The following TMCC1 variants were observed in gnomAD, a reference collection of about 807,000 sequenced individuals.
TMCC1 encodes the protein transmembrane and coiled-coil domain family 1.
Under a neutral mutation model 52.4 loss-of-function variants are expected in TMCC1, and 15 were observed. The observed-to-expected ratio is 0.29, with a 90% CI of 0.19 to 0.44. TMCC1 has a LOEUF of 0.44. Ranked by LOEUF, TMCC1 falls within the 20% of genes least tolerant of loss-of-function variation. The pLI is 1.00. For missense variants in TMCC1, 503 were observed against 806.0 expected, an observed-to-expected ratio of 0.62 and a Z score of 4.55; for synonymous variants, 279 against 301.9, an observed-to-expected ratio of 0.92 and a Z score of 0.79.
chr3:129,800,925 ATTTTTTT>A (rs11394617), intron 4 of TMCC1, among the ~76,000 whole-genome samples: 77 of 117,946 alleles, frequency 6.5e-4, no homozygotes, highest in Admixed American at 3.5e-3. Flanking sequence ...ATCTCACACT[ATTTTTTT>A]TTTTTTTTTT....
chr3:129,718,556 A>C (rs1291663955), intron 4 of TMCC1, among the ~76,000 whole-genome samples: 1 of 152,238 alleles, frequency 6.6e-6, no homozygotes, highest in African/African-American at 2.4e-5. Context: ...AAGTGCTCCC[A>C]AGAAGCAGAG....
chr3:129,765,813 A>T (rs926708411), intron 4 of TMCC1, among the ~76,000 whole-genome samples: 2 of 152,122 alleles, frequency 1.3e-5, no homozygotes, highest in Admixed American at 6.6e-5. Context: ...TTGTCTAAAA[A>T]TAAGAAATCA....
At chr3:129,865,950 C>T (rs1577141310) in intron 2 of TMCC1, among the ~76,000 whole-genome samples, 1 of 152,096 alleles carries the variant, frequency 6.6e-6, no homozygotes, top group African/African-American at 2.4e-5. Context: ...TAGGGAAGTG[C>T]AAGCTGAATG....
rs553216681 is a variant in TMCC1, at chr3:129,798,771, C to A, written c.576+29032G>T. On this transcript the variant is annotated intron_variant, in intron 4 of 6. Transcript: ENST00000393238. ...ATGGGAATAGCTCATTAACAAATAA[C>A]AAAGTAATAGTCTCTTTCAGAAATT... 2.0e-5 allele frequency among the ~76,000 whole-genome samples: 3 copies of A among 152,278 alleles called. No homozygotes were observed. The East Asian group carries it at 5.8e-4, about 29-fold the overall frequency.
At chr3:129,776,744 C>T (rs1176774287) in intron 4 of TMCC1, among the ~76,000 whole-genome samples, 1 of 152,184 alleles carries the variant, frequency 6.6e-6, no homozygotes, top group East Asian at 1.9e-4. Flanking sequence ...GCTACTGCCT[C>T]AGTCTCCCAA....
chr3:129,655,019 G>A lies in TMCC1; in HGVS notation c.1596C>T (p.Ser532=). ...EILNLKQELA[S]MEEKIAYQSY... ...ACTGATACGCGATTTTTTCTTCCATGCTTGCCAGTTCCTGCTTCAAGTTCA... is the reference window on the plus strand; with the variant it reads ...ACTGATACGCGATTTTTTCTTCCATACTTGCCAGTTCCTGCTTCAAGTTCA... The change falls in exon 6 of 7, where the codon AGC becomes AGT. Residue 532 remains serine (S), a synonymous_variant. Transcript: ENST00000393238. 6.2e-7 allele frequency: 1 copy of A among 1,613,876 alleles called. No homozygotes were observed. Among genetic ancestry groups the A allele is most frequent in the Non-Finnish European group, 8.5e-7 (1 of 1,179,994 alleles).
At chr3:129,882,309 A>G (rs2061495227) in intron 1 of TMCC1, among the ~76,000 whole-genome samples, 1 of 152,044 alleles carries the variant, frequency 6.6e-6, no homozygotes, top group Non-Finnish European at 1.5e-5. Context: ...CTACAATCAG[A>G]TACCACTCAT....
intron 2 of TMCC1, among the ~76,000 whole-genome samples, chr3:129,833,946 G>C (rs1170749213): frequency 6.6e-6 from 1 of 152,120 alleles, no homozygotes; most frequent in Admixed American, 6.5e-5. Flanking sequence ...CATGTACCTA[G>C]CATTATACAG....
At chr3:129,793,589 C>T (rs1257968287) in intron 4 of TMCC1, among the ~76,000 whole-genome samples, 1 of 152,192 alleles carries the variant, frequency 6.6e-6, no homozygotes, top group Non-Finnish European at 1.5e-5. Flanking sequence ...ACACCTCTTT[C>T]CATATTAGTT....
intron 3 of TMCC1, among the ~76,000 whole-genome samples, chr3:129,830,829 C>G (rs1183540429): frequency 2.0e-5 from 3 of 152,208 alleles, no homozygotes; most frequent in African/African-American, 7.2e-5. Flanking sequence ...ATAAACTAAT[C>G]AACTGGTCAT....
At chr3:129,655,957 G>A (rs2086641549) in intron 5 of TMCC1, among the ~76,000 whole-genome samples, 1 of 152,178 alleles carries the variant, frequency 6.6e-6, no homozygotes, top group South Asian at 2.1e-4. Context: ...GGAGAGAAAT[G>A]GATGATAAAT....
intron 4 of TMCC1, among the ~76,000 whole-genome samples, chr3:129,760,663 G>A (rs1455323489): frequency 6.6e-6 from 1 of 151,932 alleles, no homozygotes; most frequent in African/African-American, 2.4e-5. Context: ...ATTTTTAGTA[G>A]AGACGGGGTT....
At chr3:129,761,990 C>CAAAAAAAAAA (rs1179793010) in intron 4 of TMCC1, among the ~76,000 whole-genome samples, 8 of 76,044 alleles carry the variant, frequency 1.1e-4, no homozygotes, top group African/African-American at 4.3e-4. Flanking sequence ...GACTCTGTCT[C>CAAAAAAAAAA]AAAAAAAAAA....
chr3:129,879,778 T>C (rs1403460240), intron 2 of TMCC1, among the ~76,000 whole-genome samples: 2 of 152,214 alleles, frequency 1.3e-5, no homozygotes, highest in Non-Finnish European at 2.9e-5. Context: ...ACAGCCATAA[T>C]ATTATGCTAA....
chr3:129,739,322 C>T (rs980128411), intron 4 of TMCC1, among the ~76,000 whole-genome samples: 1 of 152,124 alleles, frequency 6.6e-6, no homozygotes, highest in African/African-American at 2.4e-5. Flanking sequence ...CATGCACCAA[C>T]ACACCTGGCT....
chr3:129,872,294 G>C (rs1055023561), intron 2 of TMCC1, among the ~76,000 whole-genome samples: 4 of 152,080 alleles, frequency 2.6e-5, no homozygotes, highest in Admixed American at 1.3e-4. Flanking sequence ...AAATCCCAGT[G>C]AAATGTAATG....
intron 5 of TMCC1, chr3:129,656,512 T>C (rs1042397365): frequency 2.0e-5 from 3 of 151,922 alleles, no homozygotes; most frequent in African/African-American, 7.3e-5. Context: ...TTAAAGAATA[T>C]AATGAATTTC....
At chr3:129,705,658 A>G (rs1315999755) in intron 4 of TMCC1, among the ~76,000 whole-genome samples, 1 of 142,018 alleles carries the variant, frequency 7.0e-6, no homozygotes, top group Non-Finnish European at 1.5e-5. Context: ...CAGGCTGTGC[A>G]GTGGCGCCAT....
At chr3:129,764,278 T>C (rs897771322) in intron 4 of TMCC1, among the ~76,000 whole-genome samples, 2 of 152,222 alleles carry the variant, frequency 1.3e-5, no homozygotes, top group African/African-American at 4.8e-5. Flanking sequence ...GACTTAATGA[T>C]TTACTAGGCC....
Sources: allele counts gnomAD v4.1 joint callset (sites outside exome capture counted in the v4.1 genomes callset), GRCh38; gene constraint gnomAD v4.1.1; transcripts MANE v1.5; gene names NCBI Gene and HGNC (gene_info 2026-07-23, HGNC 2026-07-21).